The following CEP89 variants were observed in gnomAD, a reference collection of about 807,000 sequenced individuals.
The protein encoded by CEP89 is centrosomal protein of 89 kDa.
A neutral mutation model predicts 97.6 loss-of-function variants in CEP89; 95 were observed. That is an observed-to-expected ratio of 0.97 (90% confidence interval 0.82 to 1.15). The LOEUF is 1.15. CEP89 is among the 50% of genes most tolerant of loss of function. The pLI, the probability that CEP89 is intolerant of heterozygous loss-of-function variation, is 0.00. For missense variants in CEP89, 869 were observed against 947.7 expected, an observed-to-expected ratio of 0.92 and a Z score of 1.09; for synonymous variants, 354 against 349.1, an observed-to-expected ratio of 1.01 and a Z score of -0.16.
chr19:32,964,531 T>C (rs924585190), intron 2 of CEP89, among the ~76,000 whole-genome samples: 2 of 152,150 alleles, frequency 1.3e-5, no homozygotes, highest in East Asian at 3.9e-4. Flanking sequence ...ACAAACTAAA[T>C]ATCCATCAAC....
rs139172711 is a variant in CEP89 at position 32,919,373 on chromosome 19, G to A, written c.1269-1034C>T. 3.5e-3 allele frequency among the ~76,000 whole-genome samples: 534 copies of A among 152,280 alleles called. 2 individuals are homozygous for A. The highest frequency in any genetic ancestry group is 0.012 in the African/African-American group (492 of 41,560). On this transcript the variant is annotated intron_variant, in intron 12 of 18. Transcript: ENST00000305768. ...GCTGACCACCCAAAGTACACTGGGC[G>A]TTAAGTTTATTTACTAAAGCAGTAA...
chr19:32,922,067 C>T (rs1970260338), intron 12 of CEP89, among the ~76,000 whole-genome samples: 1 of 152,160 alleles, frequency 6.6e-6, no homozygotes, highest in South Asian at 2.1e-4. Context: ...ATTCAGTTAA[C>T]AGGCATTTGC....
intron 14 of CEP89, among the ~76,000 whole-genome samples, chr19:32,908,091 A>G (rs1969925782): frequency 6.6e-6 from 1 of 152,140 alleles, no homozygotes; most frequent in Admixed American, 6.6e-5. Flanking sequence ...GTGTGAGCAC[A>G]CTCTGTGATA....
chr19:32,962,456 C>G (rs576677646), intron 2 of CEP89, among the ~76,000 whole-genome samples: 1 of 152,162 alleles, frequency 6.6e-6, no homozygotes, highest in Non-Finnish European at 1.5e-5. Flanking sequence ...GCACCATCTA[C>G]AAACACTAAC....
chr19:32,936,644 G>T lies in CEP89; in HGVS notation c.667+987C>A, dbSNP rs1471179328. On this transcript the variant is annotated intron_variant, in intron 7 of 18. Coordinates refer to ENST00000305768, the MANE Select transcript of CEP89 (RefSeq NM_032816.5). This position sits in a 1 kb window ranked among gnomAD's most constrained non-coding sequence, Gnocchi z 4.5. ...TGGGCTTAGTTGGAGCAGAGCAGAT[G>T]AGATGACCAGCTGCAGAGAGGAGTT... Among the ~76,000 whole-genome samples the T allele has an allele frequency of 1.3e-5, 2 of 152,288 alleles. No homozygotes were observed. Among genetic ancestry groups the T allele is most frequent in the Non-Finnish European group, 2.9e-5 (2 of 68,004 alleles).
At chr19:32,903,885 G>A (rs1279656985) in intron 14 of CEP89, among the ~76,000 whole-genome samples, 1 of 152,172 alleles carries the variant, frequency 6.6e-6, no homozygotes, top group East Asian at 1.9e-4. Context: ...TGCTGGCCGG[G>A]TGTGGGGTCC....
chr19:32,884,344 T>C (rs1475329844), intron 17 of CEP89, among the ~76,000 whole-genome samples: 1 of 152,188 alleles, frequency 6.6e-6, no homozygotes, highest in Admixed American at 6.5e-5. Flanking sequence ...AGGTTGGCTC[T>C]TGGGTCTAGT....
At chr19:32,942,720 A>C (rs1310994348) in intron 5 of CEP89, among the ~76,000 whole-genome samples, 2 of 152,202 alleles carry the variant, frequency 1.3e-5, no homozygotes, top group Non-Finnish European at 2.9e-5. Context: ...AAAGATTTCC[A>C]GAGTCCTCAC....
At chr19:32,915,909 ACT>A (rs1568558343) in intron 13 of CEP89, among the ~76,000 whole-genome samples, 1 of 115,480 alleles carries the variant, frequency 8.7e-6, no homozygotes, top group Non-Finnish European at 1.7e-5. Flanking sequence ...ACAGAGTGAG[ACT>A]CTCTCAGAAA....
chr19:32,903,070 G>A (rs559755757), intron 14 of CEP89, among the ~76,000 whole-genome samples: 9 of 152,096 alleles, frequency 5.9e-5, no homozygotes, highest in Non-Finnish European at 1.0e-4. Flanking sequence ...AGCCACATGC[G>A]GTGGCTCACA....
At chr19:32,885,215 A>G (rs2145869594) in intron 17 of CEP89, among the ~76,000 whole-genome samples, 1 of 152,324 alleles carries the variant, frequency 6.6e-6, no homozygotes, top group South Asian at 2.1e-4. Context: ...ACATTTACAT[A>G]CAATTCTATC....
At chr19:32,902,171 A>G (rs1969794748) in intron 14 of CEP89, among the ~76,000 whole-genome samples, 1 of 152,180 alleles carries the variant, frequency 6.6e-6, no homozygotes, top group Admixed American at 6.5e-5. Context: ...TGTAATTATA[A>G]ATACATGTTT....
intron 4 of CEP89, among the ~76,000 whole-genome samples, chr19:32,952,209 G>A (rs775046525): frequency 3.3e-5 from 5 of 151,772 alleles, no homozygotes; most frequent in South Asian, 2.1e-4. Flanking sequence ...GGCCAGGGGC[G>A]TTGGCTTATG....
At chr19:32,967,521 G>A (rs79498072) in intron 1 of CEP89, among the ~76,000 whole-genome samples, 1 of 139,378 alleles carries the variant, frequency 7.2e-6, no homozygotes, top group African/African-American at 2.6e-5. Flanking sequence ...AAAAAAAAAA[G>A]AGCATCAATG....
chr19:32,935,991 G>A (rs750054287), intron 7 of CEP89, among the ~76,000 whole-genome samples: 9 of 152,182 alleles, frequency 5.9e-5, no homozygotes, highest in Admixed American at 6.5e-5. Context: ...CGGGAGCCCT[G>A]CCCCTTCTGA....
chr19:32,914,414 C>T (rs1970076774), intron 14 of CEP89, among the ~76,000 whole-genome samples: 1 of 151,994 alleles, frequency 6.6e-6, no homozygotes, highest in Admixed American at 6.6e-5. Context: ...CGCATACCAC[C>T]ACGCCTGGCT....
At chr19:32,942,984 G>A (rs1000879950) in intron 5 of CEP89, among the ~76,000 whole-genome samples, 1 of 150,652 alleles carries the variant, frequency 6.6e-6, no homozygotes, top group African/African-American at 2.4e-5. Flanking sequence ...GCCAGGCTCA[G>A]ATGATCTTCC....
Position 32,950,901 on chromosome 19 carries a change from T to C in CEP89, c.493-2533A>G, listed in dbSNP as rs139354511. 2.8e-3 allele frequency among the ~76,000 whole-genome samples: 429 copies of C among 152,266 alleles called. 3 individuals carry two copies. The highest frequency in any genetic ancestry group is 9.6e-3 in the African/African-American group (401 of 41,568). On this transcript the variant is annotated intron_variant, in intron 4 of 18. Coordinates refer to ENST00000305768, the MANE Select transcript of CEP89 (RefSeq NM_032816.5). The stretch of plus-strand genomic sequence containing the variant: ...CTGAAGACTCCCAAACTCCAAATAA[T>C]GCATATCGTCTAATTAAATGCATGT...
At chr19:32,887,692 C>A in intron 17 of CEP89, 60 bp downstream of exon 17, 2 of 993,966 alleles carry the variant, frequency 2.0e-6, no homozygotes, top group South Asian at 2.7e-5. Context: ...CAAAAATCCA[C>A]AGCAGTGAGC....
Sources: gnomAD v4.1 joint callset for allele counts (sites outside exome capture counted in the v4.1 genomes callset) on GRCh38, gnomAD v4.1.1 for gene constraint, Gnocchi (gnomAD v3.1) non-coding constraint, MANE v1.5 for transcripts, NCBI Gene and HGNC (gene_info 2026-07-23, HGNC 2026-07-21) for gene names.